Variants in ELOVL5 observed in about 807,000 individuals in gnomAD.
The protein encoded by ELOVL5 is ELOVL fatty acid elongase 5, also known as very long chain fatty acid elongase 5.
Under a neutral mutation model 38.6 loss-of-function variants are expected in ELOVL5, and 8 were observed. The observed-to-expected ratio is 0.21, with a 90% CI of 0.12 to 0.37. The LOEUF (loss-of-function observed/expected upper bound fraction) is 0.37. Ranked by LOEUF, ELOVL5 falls within the 10% of genes least tolerant of loss-of-function variation. The probability of loss-of-function intolerance (pLI) is 1.00; values close to 1 mark genes in which losing one functional copy is unlikely to be tolerated. For synonymous variants in ELOVL5, 127 were observed against 133.7 expected (o/e 0.95, Z 0.34); for missense variants, 280 against 367.8 (o/e 0.76, Z 1.95).
chr6:53,323,313 T>C (rs1003612091), intron 1 of ELOVL5, among the ~76,000 whole-genome samples: 1 of 152,224 alleles, frequency 6.6e-6, no homozygotes, highest in Non-Finnish European at 1.5e-5. Context: ...AGAATGTCAG[T>C]GAGTCAATGG....
intron 2 of ELOVL5, among the ~76,000 whole-genome samples, chr6:53,292,927 T>C (rs964899004): frequency 6.6e-6 from 1 of 152,104 alleles, no homozygotes; most frequent in Non-Finnish European, 1.5e-5. Flanking sequence ...CCAGAGGAGA[T>C]ACTGGTATAG....
chr6:53,330,477 A>T (rs940017551), intron 1 of ELOVL5, among the ~76,000 whole-genome samples: 10 of 151,082 alleles, frequency 6.6e-5, no homozygotes, highest in Admixed American at 5.3e-4. Context: ...CTCAATAATA[A>T]ATTAACCTTA....
intron 1 of ELOVL5, among the ~76,000 whole-genome samples, chr6:53,319,125 G>A (rs550910271): frequency 6.6e-6 from 1 of 151,816 alleles, no homozygotes; most frequent in African/African-American, 2.4e-5. Flanking sequence ...CAAAAAATTA[G>A]CTGGGCGCAG....
chr6:53,347,387 A>G (rs1019217862), intron 1 of ELOVL5, among the ~76,000 whole-genome samples: 14 of 152,172 alleles, frequency 9.2e-5, no homozygotes, highest in African/African-American at 3.1e-4. Context: ...CTTGTCCCCA[A>G]TCACAGATGG....
intron 1 of ELOVL5, among the ~76,000 whole-genome samples, chr6:53,331,368 G>A (rs1434457991): frequency 1.3e-5 from 2 of 152,124 alleles, no homozygotes; most frequent in African/African-American, 2.4e-5. Flanking sequence ...AAAAAGTACA[G>A]TAAATACAAA....
intron 1 of ELOVL5, among the ~76,000 whole-genome samples, chr6:53,298,646 T>A (rs1204017545): frequency 6.6e-6 from 1 of 152,148 alleles, no homozygotes; most frequent in Non-Finnish European, 1.5e-5. Context: ...TGTTTCTGAA[T>A]GTATGTCTGC....
intron 3 of ELOVL5, among the ~76,000 whole-genome samples, chr6:53,288,500 C>G (rs768297444): frequency 6.6e-6 from 1 of 152,214 alleles, no homozygotes; most frequent in South Asian, 2.1e-4. Context: ...TTAAAACATA[C>G]CACTAATTCA....
At chr6:53,323,726 G>A (rs758318521) in intron 1 of ELOVL5, among the ~76,000 whole-genome samples, 30 of 152,132 alleles carry the variant, frequency 2.0e-4, no homozygotes, top group Non-Finnish European at 3.8e-4. Flanking sequence ...GGGATTACAG[G>A]TGCCCATCAC....
chr6:53,270,835 C>T (rs1003775934), intron 6 of ELOVL5, 108 bp from the exon 7 acceptor site: 2 of 1,270,322 alleles, frequency 1.6e-6, no homozygotes. Flanking sequence ...TTAACACTTA[C>T]TACCCTTGCT....
intron 1 of ELOVL5, among the ~76,000 whole-genome samples, chr6:53,311,812 G>A (rs1767845969): frequency 6.6e-6 from 1 of 152,158 alleles, no homozygotes; most frequent in African/African-American, 2.4e-5. Flanking sequence ...CTGGGGAAAC[G>A]AAGGAATGGG....
At chr6:53,285,609 T>C (rs1164797351) in intron 3 of ELOVL5, among the ~76,000 whole-genome samples, 2 of 152,188 alleles carry the variant, frequency 1.3e-5, no homozygotes, top group South Asian at 2.1e-4. Flanking sequence ...TTATTTTTAA[T>C]TTATCTTTTT....
At chr6:53,317,842 A>AT (rs996919332) in intron 1 of ELOVL5, among the ~76,000 whole-genome samples, 48 of 148,158 alleles carry the variant, frequency 3.2e-4, no homozygotes, top group Admixed American at 9.2e-4. Context: ...AATTAAAAAA[A>AT]ATAAAATAAA....
chr6:53,294,087 A>AT, intron 2 of ELOVL5: 1 of 1,368,278 alleles, frequency 7.3e-7, no homozygotes, highest in Non-Finnish European at 9.5e-7. Flanking sequence ...AAATCTCCCT[A>AT]TTTTAACTTA....
At chr6:53,325,148 G>C (rs1453173854) in intron 1 of ELOVL5, among the ~76,000 whole-genome samples, 1 of 152,110 alleles carries the variant, frequency 6.6e-6, no homozygotes, top group Non-Finnish European at 1.5e-5. Flanking sequence ...TTTTCAGGGA[G>C]GTTGCTTCAC....
At chr6:53,276,739 T>C (rs1022180058) in intron 3 of ELOVL5, among the ~76,000 whole-genome samples, 2 of 152,126 alleles carry the variant, frequency 1.3e-5, no homozygotes, top group African/African-American at 4.8e-5. Flanking sequence ...CTAGAATTTG[T>C]ATGTCTAACA....
rs1450754601 is a variant in ELOVL5 at position 53,320,392 on chromosome 6, AG to A, written c.-8-24686del. On this transcript the variant is annotated intron_variant, in intron 1 of 7. Transcript: ENST00000304434. Reference sequence around the variant, plus strand: ...CGCTCTGTCGCCCAGGCTGGAGTGCAGTGGCGCGATCTCGGCTCACTGCAAG... The same window carrying A: ...CGCTCTGTCGCCCAGGCTGGAGTGCATGGCGCGATCTCGGCTCACTGCAAG... Among the ~76,000 whole-genome samples, 4 of 152,020 alleles carry A rather than the reference AG, an allele frequency of 2.6e-5. No individual in the cohort carries two copies. The East Asian group carries it at 7.8e-4, about 30-fold the overall frequency.
chr6:53,270,882 C>T (rs567995229), intron 6 of ELOVL5, among the ~76,000 whole-genome samples, 155 bp from the exon 7 acceptor site: 2 of 152,232 alleles, frequency 1.3e-5, no homozygotes, highest in Non-Finnish European at 2.9e-5. Flanking sequence ...ACAACACATA[C>T]ACTATACTTA....
At chr6:53,274,951 T>C in intron 5 of ELOVL5, 139 bp downstream of exon 5, 1 of 804,666 alleles carries the variant, frequency 1.2e-6, no homozygotes, top group South Asian at 1.9e-5. Flanking sequence ...GTACATAAAC[T>C]ATCATTAAAA....
intron 1 of ELOVL5, among the ~76,000 whole-genome samples, chr6:53,320,326 A>G (rs186003): frequency 6.6e-6 from 1 of 151,188 alleles, no homozygotes; most frequent in Non-Finnish European, 1.5e-5. Flanking sequence ...AAAACAAAAC[A>G]ACCCCACATT....
Sources: gnomAD v4.1 joint callset for allele counts (sites outside exome capture counted in the v4.1 genomes callset) on GRCh38, gnomAD v4.1.1 for gene constraint, MANE v1.5 for transcripts, NCBI Gene and HGNC (gene_info 2026-07-23, HGNC 2026-07-21) for gene names.